Variants in TMPRSS15 observed in about 807,000 individuals in gnomAD.
The protein encoded by TMPRSS15 is enteropeptidase.
A neutral mutation model predicts 125.3 loss-of-function variants in TMPRSS15; 128 were observed. The ratio of observed to expected loss-of-function variants is 1.02; its 90% CI spans 0.89 to 1.18. TMPRSS15 has a LOEUF of 1.18. Ranked by LOEUF, TMPRSS15 falls within the 50% of genes most tolerant of loss-of-function variation. TMPRSS15 has a pLI of 0.00. For synonymous variants in TMPRSS15, 446 were observed against 423.2 expected, an observed-to-expected ratio of 1.05 and a Z score of -0.66; for missense variants, 1,283 against 1,212.7, an observed-to-expected ratio of 1.06 and a Z score of -0.86.
intron 1 of TMPRSS15, among the ~76,000 whole-genome samples, chr21:18,459,099 C>T (rs1215053287): frequency 2.0e-5 from 3 of 152,058 alleles, no homozygotes; most frequent in Non-Finnish European, 4.4e-5. Flanking sequence ...ATAAAGTGTA[C>T]AAGGTCAAGT....
At chr21:18,450,467 T>G (rs1289670095) in intron 1 of TMPRSS15, among the ~76,000 whole-genome samples, 1 of 152,186 alleles carries the variant, frequency 6.6e-6, no homozygotes, top group African/African-American at 2.4e-5. Context: ...TCTTACTCTA[T>G]TCTGTGATTA....
chr21:18,309,054 C>T (rs935185342), intron 18 of TMPRSS15, among the ~76,000 whole-genome samples: 7 of 152,102 alleles, frequency 4.6e-5, no homozygotes, highest in Admixed American at 3.3e-4. Context: ...AATAAACATA[C>T]GTGTGCATGT....
chr21:18,378,912 C>G (rs952063173), intron 5 of TMPRSS15, among the ~76,000 whole-genome samples: 2 of 152,024 alleles, frequency 1.3e-5, no homozygotes, highest in African/African-American at 4.8e-5. Flanking sequence ...AGAAAGCAAG[C>G]ATGTCTAACT....
intron 6 of TMPRSS15, among the ~76,000 whole-genome samples, chr21:18,366,794 T>C (rs975290928): frequency 2.8e-4 from 42 of 152,134 alleles, no homozygotes; most frequent in Admixed American, 2.0e-4. Context: ...CAAAGTAATA[T>C]GTCAAAATTA....
At chr21:18,405,889 A>C (rs1349054688), upstream of TMPRSS15, among the ~76,000 whole-genome samples, 1 of 152,224 alleles carries the variant, frequency 6.6e-6, no homozygotes, top group Non-Finnish European at 1.5e-5. Flanking sequence ...AACATTGATA[A>C]ATTTAGCCAA....
chr21:18,406,353 T>A (rs1393731073), upstream of TMPRSS15, among the ~76,000 whole-genome samples: 1 of 152,096 alleles, frequency 6.6e-6, no homozygotes, highest in African/African-American at 2.4e-5. Context: ...TCTGTGTGAG[T>A]AGAACATCCA....
chr21:18,308,668 T>G (rs1273496725), intron 18 of TMPRSS15, among the ~76,000 whole-genome samples: 2 of 151,936 alleles, frequency 1.3e-5, no homozygotes, highest in African/African-American at 4.8e-5. Context: ...GGTATACATG[T>G]GCCATGGTAG....
intron 21 of TMPRSS15, among the ~76,000 whole-genome samples, chr21:18,293,392 C>CT: frequency 6.6e-6 from 1 of 152,272 alleles, no homozygotes; most frequent in South Asian, 2.1e-4. Flanking sequence ...TACAGAGAGG[C>CT]TTACTCTAAT....
intron 21 of TMPRSS15, among the ~76,000 whole-genome samples, chr21:18,292,548 A>T (rs2074851057): frequency 1.3e-5 from 2 of 152,226 alleles, no homozygotes; most frequent in Admixed American, 6.5e-5. Flanking sequence ...GTACATCTGT[A>T]AAATAGATAA....
At chr21:18,455,300 C>T (rs1016923160) in intron 1 of TMPRSS15, among the ~76,000 whole-genome samples, 3 of 152,060 alleles carry the variant, frequency 2.0e-5, no homozygotes, top group Non-Finnish European at 2.9e-5. Flanking sequence ...TGTGAAAATA[C>T]ATAGCTTTTC....
chr21:18,351,988 T>C (rs2075574376), intron 10 of TMPRSS15, among the ~76,000 whole-genome samples: 1 of 152,136 alleles, frequency 6.6e-6, no homozygotes, highest in Non-Finnish European at 1.5e-5. Context: ...TAACGTTTGT[T>C]TGAATGAGAT....
intron 1 of TMPRSS15, among the ~76,000 whole-genome samples, chr21:18,449,403 G>C (rs980868235): frequency 2.6e-5 from 4 of 152,050 alleles, no homozygotes; most frequent in African/African-American, 9.7e-5. Flanking sequence ...AGAACCACTA[G>C]TGTGTGTTCT....
At chr21:18,343,681 T>C in intron 11 of TMPRSS15, 25 bp from the exon 12 acceptor site, 1 of 1,607,340 alleles carries the variant, frequency 6.2e-7, no homozygotes, top group Non-Finnish European at 8.5e-7. Flanking sequence ...AGCAAAAATG[T>C]TTGGATTCCT....
chr21:18,393,481 T>A (rs1323050047), intron 3 of TMPRSS15, among the ~76,000 whole-genome samples: 1 of 152,212 alleles, frequency 6.6e-6, no homozygotes, highest in Admixed American at 6.5e-5. Context: ...TTAAGCAGTA[T>A]GAATCTCTTT....
intron 1 of TMPRSS15, among the ~76,000 whole-genome samples, chr21:18,432,295 C>T (rs1315414136): frequency 6.6e-6 from 1 of 152,098 alleles, no homozygotes; most frequent in Admixed American, 6.6e-5. Flanking sequence ...ACTATGTCTT[C>T]ATCAATTTCC....
At chr21:18,381,817 G>A (rs1195447132) in intron 4 of TMPRSS15, among the ~76,000 whole-genome samples, 1 of 151,952 alleles carries the variant, frequency 6.6e-6, no homozygotes, top group Non-Finnish European at 1.5e-5. Flanking sequence ...ACAACTTTGG[G>A]GCCTGTTGGA....
intron 5 of TMPRSS15, among the ~76,000 whole-genome samples, chr21:18,377,298 ACC>A (rs1403788354): frequency 6.6e-6 from 1 of 152,184 alleles, no homozygotes; most frequent in African/African-American, 2.4e-5. Flanking sequence ...AATGAGCATT[ACC>A]CAGTATAATA....
intron 5 of TMPRSS15, among the ~76,000 whole-genome samples, chr21:18,378,728 T>A (rs1165775399): frequency 6.6e-6 from 1 of 152,036 alleles, no homozygotes; most frequent in African/African-American, 2.4e-5. Flanking sequence ...GAAGGTATTT[T>A]AGCTGATTGA....
intron 10 of TMPRSS15, among the ~76,000 whole-genome samples, chr21:18,350,062 T>C (rs1028257396): frequency 2.6e-5 from 4 of 152,046 alleles, no homozygotes; most frequent in Non-Finnish European, 4.4e-5. Flanking sequence ...CTTGTCCAAG[T>C]GTGGTAGAAA....
Sources: allele counts gnomAD v4.1 joint callset (sites outside exome capture counted in the v4.1 genomes callset), GRCh38; gene constraint gnomAD v4.1.1; transcripts MANE v1.5; gene names NCBI Gene and HGNC (gene_info 2026-07-23, HGNC 2026-07-21).